RTF1: variants seen among roughly 807,000 people sequenced by gnomAD.
RTF1 encodes the protein RNA polymerase-associated protein RTF1 homolog.
Under a neutral mutation model 95.7 loss-of-function variants are expected in RTF1, and 10 were observed. The observed-to-expected ratio is 0.10, with a 90% CI of 0.06 to 0.18. The LOEUF (loss-of-function observed/expected upper bound fraction) is 0.18, where lower values mean the gene tolerates loss of function less well. RTF1 is among the 10% of genes least tolerant of loss of function. The pLI, the probability that RTF1 is intolerant of heterozygous loss-of-function variation, is 1.00. For missense variants in RTF1, 458 were observed against 875.6 expected, an observed-to-expected ratio of 0.52 and a Z score of 6.02; for synonymous variants, 305 against 311.8, an observed-to-expected ratio of 0.98 and a Z score of 0.23.
intron 1 of RTF1, among the ~76,000 whole-genome samples, chr15:41,434,737 C>A (rs954903511): frequency 1.3e-5 from 2 of 151,424 alleles, no homozygotes; most frequent in African/African-American, 4.9e-5. Flanking sequence ...AAGCAGTTCT[C>A]CTGCCTCAGC....
chr15:41,430,174 ATTTTTT>A (rs773433000), intron 1 of RTF1, among the ~76,000 whole-genome samples: 3 of 110,248 alleles, frequency 2.7e-5, no homozygotes, highest in Non-Finnish European at 3.8e-5. Flanking sequence ...TGTCTGGCTA[ATTTTTT>A]TTTTTTTTTT....
chr15:41,478,717 A>G, intron 15 of RTF1, 92 bp downstream of exon 15: 10 of 1,140,812 alleles, frequency 8.8e-6, no homozygotes, highest in Non-Finnish European at 1.3e-5. Context: ...GTTAAAAATA[A>G]TGTTTTCTTA....
chr15:41,441,644 G>T (rs1214355191), intron 2 of RTF1, among the ~76,000 whole-genome samples: 1 of 152,168 alleles, frequency 6.6e-6, no homozygotes, highest in East Asian at 1.9e-4. Flanking sequence ...GCTTAATGAA[G>T]TAAAAAACTG....
intron 4 of RTF1, among the ~76,000 whole-genome samples, chr15:41,461,149 TCTC>T (rs762174980): frequency 3.3e-5 from 5 of 151,514 alleles, no homozygotes; most frequent in Non-Finnish European, 7.4e-5. Context: ...TTCAAGCAAT[TCTC>T]CTGCCTCAGC....
chr15:41,447,865 A>G (rs1283980091), intron 2 of RTF1, among the ~76,000 whole-genome samples: 1 of 152,194 alleles, frequency 6.6e-6, no homozygotes, highest in Non-Finnish European at 1.5e-5. Context: ...CAGTAGAACC[A>G]TACTTCTCAA....
At chr15:41,430,502 G>T (rs1421233292) in intron 1 of RTF1, among the ~76,000 whole-genome samples, 1 of 152,084 alleles carries the variant, frequency 6.6e-6, no homozygotes, top group Non-Finnish European at 1.5e-5. Flanking sequence ...CACTTTGGGA[G>T]GGTGAGGCAG....
At chr15:41,430,758 A>T (rs952289790) in intron 1 of RTF1, among the ~76,000 whole-genome samples, 1 of 152,030 alleles carries the variant, frequency 6.6e-6, no homozygotes, top group East Asian at 1.9e-4. Flanking sequence ...AAACAAAAAG[A>T]ATATAAAGGA....
chr15:41,466,127 C>A lies in RTF1; in HGVS notation c.778-14C>A. The A allele has an allele frequency of 6.6e-7, 1 of 1,524,380 alleles. No individual in the cohort carries two copies. The highest frequency in any genetic ancestry group is 8.8e-7 in the Non-Finnish European group (1 of 1,133,652). The allele number at this position is 1,524,380 out of a possible 1,614,324, so 94.4% of individuals were successfully genotyped here. A position where few individuals can be genotyped will look rare whatever the true frequency, so the allele number is the denominator to read the frequency against. On this transcript the variant is annotated splice_polypyrimidine_tract_variant and intron_variant, in intron 5 of 17. Transcript: ENST00000389629. ...TGGTAAAAAGGGCCATTCTATATAT[C>A]CTTCCCTTCCTAGGTAACATCCCAC...
At chr15:41,445,830 G>A (rs372578694) in intron 2 of RTF1, among the ~76,000 whole-genome samples, 14 of 151,530 alleles carry the variant, frequency 9.2e-5, no homozygotes, top group African/African-American at 3.4e-4. Flanking sequence ...CTGCCTCCTG[G>A]GTTCAGGCAA....
chr15:41,433,508 T>A (rs754260481), intron 1 of RTF1, among the ~76,000 whole-genome samples: 1 of 151,856 alleles, frequency 6.6e-6, no homozygotes, highest in Non-Finnish European at 1.5e-5. Context: ...CTGATTTTTG[T>A]ATTTTTAGCA....
intron 14 of RTF1, chr15:41,478,345 G>C: frequency 1.9e-6 from 1 of 532,278 alleles, no homozygotes; most frequent in Middle Eastern, 5.0e-4. Context: ...CAGATGCAAT[G>C]AGCTGAGATT....
At position 41,417,123 on chromosome 15, in the gene RTF1, G is replaced by A. The variant is rs1320783662; in HGVS notation, c.8G>A (p.Gly3Asp). 11 of 1,243,100 alleles carry A rather than the reference G, an allele frequency of 8.8e-6. No individual in the cohort carries two copies. The highest frequency in any genetic ancestry group is 4.2e-5 in the Admixed American group (1 of 23,636). The allele number at this position is 1,243,100 out of a possible 1,614,324, so 77.0% of individuals were successfully genotyped here. The change falls in exon 1 of 18, where the codon GGT (glycine) becomes GAT (aspartate). Residue 3 changes from glycine (G) to aspartate (D), a missense_variant. Around this residue, in one of 11 missense-constraint regions of RTF1, gnomAD observed 81 missense variants for 59.9 expected, o/e 1.35. Coordinates refer to ENST00000389629, the MANE Select transcript of RTF1 (RefSeq NM_015138.5). ...GGGCGGAGCGGAGCGCGCATGCGCGGTCGCCTTTGTGTGGGTCGAGCAGCG... is the reference window on the plus strand; with the variant it reads ...GGGCGGAGCGGAGCGCGCATGCGCGATCGCCTTTGTGTGGGTCGAGCAGCG... MR[G>D]RLCVGRAAAA...
intron 4 of RTF1, among the ~76,000 whole-genome samples, chr15:41,461,293 C>T (rs1275653539): frequency 2.6e-5 from 4 of 151,666 alleles, no homozygotes; most frequent in African/African-American, 7.3e-5. Flanking sequence ...ATGATCCACC[C>T]GCCTCTGCCT....
At chr15:41,479,393 G>C (rs316605) in intron 16 of RTF1, among the ~76,000 whole-genome samples, 195 bp downstream of exon 16, 2 of 152,016 alleles carry the variant, frequency 1.3e-5, no homozygotes, top group East Asian at 1.9e-4. Flanking sequence ...ACCACTACTT[G>C]CCTAGGGCCT....
Position 41,482,226 on chromosome 15 carries a change from C to G in RTF1, c.*1539C>G, listed in dbSNP as rs2050980636. ...TATGAAATGTTTGAAAAGAGATAAA[C>G]TGACTGCTTGATAATCACTCTCAGG... On this transcript the variant is annotated 3_prime_UTR_variant, in exon 18 of 18. Coordinates refer to ENST00000389629, the MANE Select transcript of RTF1 (RefSeq NM_015138.5). 6.6e-6 allele frequency: 1 copy of G among 152,632 alleles called. No homozygotes were observed. Among genetic ancestry groups the G allele is most frequent in the African/African-American group, 2.4e-5 (1 of 41,446 alleles). 9.5% of individuals were successfully genotyped at this position (152,632 alleles called of 1,614,324 possible).
intron 4 of RTF1, among the ~76,000 whole-genome samples, chr15:41,458,939 G>T (rs117203317): frequency 6.6e-6 from 1 of 151,740 alleles, no homozygotes; most frequent in South Asian, 2.1e-4. Context: ...AAGCATGGTC[G>T]TACGCATCTG....
intron 14 of RTF1, among the ~76,000 whole-genome samples, chr15:41,478,320 G>A (rs1337039650): frequency 6.6e-6 from 1 of 150,770 alleles, no homozygotes; most frequent in Non-Finnish European, 1.5e-5. Flanking sequence ...AGAATCACTT[G>A]AACCTGAGAG....
At position 41,423,051 on chromosome 15, in the gene RTF1, C is replaced by T. The variant is rs190298162; in HGVS notation, c.198+5738C>T. Among the ~76,000 whole-genome samples the T allele has an allele frequency of 6.6e-3, 1,006 of 152,130 alleles. 16 individuals carry two copies. The highest frequency in any genetic ancestry group is 7.1e-3 in the Non-Finnish European group (480 of 67,994). On this transcript the variant is annotated intron_variant, in intron 1 of 17. Transcript: ENST00000389629. ...CCTCCCAAAGTGTTGGGATTACAGGCGTGAACCACCGTGCCCGGCCAGCCC... is the reference window on the plus strand; with the variant it reads ...CCTCCCAAAGTGTTGGGATTACAGGTGTGAACCACCGTGCCCGGCCAGCCC...
chr15:41,442,428 A>G (rs1171455479), intron 2 of RTF1, among the ~76,000 whole-genome samples: 2 of 151,824 alleles, frequency 1.3e-5, no homozygotes, highest in East Asian at 3.9e-4. Context: ...CATCCTCCCA[A>G]AGTGCTGGGA....
Sources: allele counts gnomAD v4.1 joint callset (sites outside exome capture counted in the v4.1 genomes callset), GRCh38; gene constraint gnomAD v4.1.1; regional missense constraint gnomAD v4.1.1; transcripts MANE v1.5; gene names NCBI Gene and HGNC (gene_info 2026-07-23, HGNC 2026-07-21).